The following FZR1 variants were observed in gnomAD, a reference collection of about 807,000 sequenced individuals.
FZR1 encodes fizzy-related protein homolog.
FZR1 carries 11 observed loss-of-function variants against 63.6 expected under a neutral mutation model. The ratio of observed to expected loss-of-function variants is 0.17; its 90% confidence interval spans 0.11 to 0.29. The LOEUF (loss-of-function observed/expected upper bound fraction) is 0.29, where lower values mean the gene tolerates loss of function less well. Among genes scored for constraint, FZR1 ranks in the 10% least tolerant of loss-of-function variants. The probability of loss-of-function intolerance (pLI) is 1.00; values close to 1 mark genes in which losing one functional copy is unlikely to be tolerated. For missense variants in FZR1, 440 were observed against 687.5 expected (o/e 0.64, Z 4.03); for synonymous variants, 328 against 297.9 (o/e 1.10, Z -1.04).
chr19:3,530,684 G>A (rs2083237999), intron 7 of FZR1, 108 bp from the exon 8 acceptor site: 4 of 759,572 alleles, frequency 5.3e-6, no homozygotes, highest in East Asian at 5.4e-5. Flanking sequence ...GATTGGATGG[G>A]AGAGTGGATG....
rs1364383473 is a variant in FZR1 at position 3,515,894 on chromosome 19, A to G, written c.-34-7062A>G. ...CACCCCATGACCAGCCGCTTTTCGA[A>G]CCTTCTGGGAGCAGTGTGCTCTGCA... On this transcript the variant is annotated intron_variant, in intron 1 of 13. Transcript: ENST00000441788. This position sits in a 1 kb window ranked among gnomAD's most constrained non-coding sequence, Gnocchi z 4.6. Among the ~76,000 whole-genome samples the G allele has an allele frequency of 6.6e-6, 1 of 151,836 alleles. No homozygotes were observed. Among genetic ancestry groups the G allele is most frequent in the Non-Finnish European group, 1.5e-5 (1 of 67,966 alleles).
chr19:3,531,870 A>G (rs182732382), intron 9 of FZR1, 41 bp from the exon 10 acceptor site: 13 of 1,562,320 alleles, frequency 8.3e-6, no homozygotes, highest in South Asian at 1.2e-5. Flanking sequence ...CAGCTCCGCG[A>G]GGGCAGGAGA....
At chr19:3,509,883 C>T (rs2083012536) in intron 1 of FZR1, among the ~76,000 whole-genome samples, 1 of 152,098 alleles carries the variant, frequency 6.6e-6, no homozygotes, top group Admixed American at 6.5e-5. Flanking sequence ...CCAGTGTCTG[C>T]CTGTTGTGAG....
At chr19:3,512,060 G>A (rs1057260628) in intron 1 of FZR1, among the ~76,000 whole-genome samples, 5 of 152,158 alleles carry the variant, frequency 3.3e-5, no homozygotes, top group African/African-American at 7.2e-5. Flanking sequence ...TTTCTCTGAC[G>A]TCCTCCCTCC....
At chr19:3,506,628 A>G (rs968442568) in intron 1 of FZR1, among the ~76,000 whole-genome samples, 154 bp downstream of exon 1, 8 of 141,022 alleles carry the variant, frequency 5.7e-5, no homozygotes, top group African/African-American at 2.2e-4. Context: ...GCCGCCTCCC[A>G]GGCCGAACTA....
Position 3,523,003 on chromosome 19 carries a change from A to T in FZR1, c.14A>T (p.Tyr5Phe), listed in dbSNP as rs771143636. The T allele has an allele frequency of 6.2e-7, 1 of 1,611,594 alleles. No individual in the cohort carries two copies. Among genetic ancestry groups the T allele is most frequent in the Admixed American group, 1.7e-5 (1 of 60,028 alleles). ...CCCTGCCTCGCCATGGACCAGGACT[A>T]TGAGCGGCGCCTGCTTCGCCAGATC... The part of the protein sequence containing the change: MDQD[Y>F]ERRLLRQIVI... The change falls in exon 2 of 14, where the codon TAT (tyrosine) becomes TTT (phenylalanine). Residue 5 changes from tyrosine to phenylalanine, a missense_variant. Physicochemically the swap from Tyr to Phe is conservative, Grantham distance 22. This residue lies in a region of FZR1 where 200 missense variants were observed against 245.1 expected (regional missense o/e 0.82). Transcript: ENST00000441788.
chr19:3,527,652 C>A lies in FZR1; in HGVS notation c.492C>A (p.Pro164=). Residue 164 remains proline, a synonymous_variant, in exon 7 of 14, where the codon CCC becomes CCA. Coordinates refer to ENST00000441788, the MANE Select transcript of FZR1 (RefSeq NM_016263.4). ...GCAGCCAGAAGCTGCTCCGGTCCCC[C>A]CGGAAACCCACCCGCAAGATCTCCA... ...SNKSQKLLRS[P]RKPTRKISKI... 1 of 1,610,330 alleles carries A rather than the reference C, an allele frequency of 6.2e-7. No individual in the cohort carries two copies.
rs1208325546 is a variant in FZR1, at chr19:3,525,457, T to TTTC, written c.70-409_70-408insCTT. Among the ~76,000 whole-genome samples the TTTC allele has an allele frequency of 6.9e-5, 10 of 145,606 alleles. No individual in the cohort carries two copies. Among genetic ancestry groups the TTTC allele is most frequent in the Non-Finnish European group, 1.5e-4 (10 of 66,376 alleles). On this transcript the variant is annotated intron_variant, in intron 2 of 13. Coordinates refer to ENST00000441788, the MANE Select transcript of FZR1 (RefSeq NM_016263.4). This position sits in a 1 kb window ranked among gnomAD's most constrained non-coding sequence, Gnocchi z 4.2. ...CTTTTTTTTTTTTTTTTTTTTTTTT[T>TTTC]TTTGAGACGGAGTCTCGCTCTGTCG...
At position 3,515,720 on chromosome 19, in the gene FZR1, C is replaced by T. The variant is rs1056362710; in HGVS notation, c.-34-7236C>T. Among the ~76,000 whole-genome samples the T allele has an allele frequency of 1.3e-4, 20 of 150,388 alleles. No individual in the cohort carries two copies. Among genetic ancestry groups the T allele is most frequent in the Admixed American group, 2.0e-4 (3 of 15,062 alleles). On this transcript the variant is annotated intron_variant, in intron 1 of 13. Coordinates refer to ENST00000441788, the MANE Select transcript of FZR1 (RefSeq NM_016263.4). The surrounding 1 kb of genome is among the most constrained non-coding windows in gnomAD (Gnocchi z 4.6). ...GGCGGAGCTTGCAGTGAGCAGAGATCGCACCACTGCAGTCCAGCCTGGGTG... is the reference window on the plus strand; with the variant it reads ...GGCGGAGCTTGCAGTGAGCAGAGATTGCACCACTGCAGTCCAGCCTGGGTG...
At position 3,515,708 on chromosome 19, in the gene FZR1, G is replaced by A. The variant is rs2121914157; in HGVS notation, c.-34-7248G>A. Among the ~76,000 whole-genome samples, 1 of 151,198 alleles carries A rather than the reference G, an allele frequency of 6.6e-6. No homozygotes were observed. Among genetic ancestry groups the A allele is most frequent in the Admixed American group, 6.6e-5 (1 of 15,182 alleles). ...TGTGAACCAGGAGGCGGAGCTTGCAGTGAGCAGAGATCGCACCACTGCAGT... is the reference window on the plus strand; with the variant it reads ...TGTGAACCAGGAGGCGGAGCTTGCAATGAGCAGAGATCGCACCACTGCAGT... On this transcript the variant is annotated intron_variant, in intron 1 of 13. Transcript: ENST00000441788. This position sits in a 1 kb window ranked among gnomAD's most constrained non-coding sequence, Gnocchi z 4.6.
intron 1 of FZR1, among the ~76,000 whole-genome samples, chr19:3,511,347 G>C (rs1404327268): frequency 6.6e-6 from 1 of 152,236 alleles, no homozygotes; most frequent in Non-Finnish European, 1.5e-5. Context: ...AAGAGGGTGA[G>C]AGCTGCTGGC....
chr19:3,515,884 C>T lies in FZR1; in HGVS notation c.-34-7072C>T, dbSNP rs1599774455. ...TCTCCCCACCCACCCCATGACCAGC[C>T]GCTTTTCGAACCTTCTGGGAGCAGT... is the stretch of plus-strand genomic sequence containing the variant. On this transcript the variant is annotated intron_variant, in intron 1 of 13. Coordinates refer to ENST00000441788, the MANE Select transcript of FZR1 (RefSeq NM_016263.4). This position sits in a 1 kb window ranked among gnomAD's most constrained non-coding sequence, Gnocchi z 4.6. Among the ~76,000 whole-genome samples the T allele has an allele frequency of 1.3e-5, 2 of 152,130 alleles. No individual in the cohort carries two copies. Among genetic ancestry groups the T allele is most frequent in the Non-Finnish European group, 2.9e-5 (2 of 68,026 alleles).
rs570944597 is a variant in FZR1 at position 3,522,885 on chromosome 19, T to G, written c.-34-71T>G. 6.3e-6 allele frequency: 5 copies of G among 795,090 alleles called. No homozygotes were observed. In the African/African-American group the frequency reaches 6.7e-5, roughly 11 times the overall value. The allele number at this position is 795,090 out of a possible 1,614,324, so 49.3% of individuals were successfully genotyped here. On this transcript the variant is annotated intron_variant, in intron 1 of 13. Coordinates refer to ENST00000441788, the MANE Select transcript of FZR1 (RefSeq NM_016263.4). ...CACTCTAGCTCCCAGGGCCTGGAGG[T>G]GCAGGCGAGCCCCGTGGTCTCCGGG...
rs1414096791 is a variant in FZR1, at chr19:3,531,968, T to A, written c.881T>A (p.Leu294Gln). Residue 294 changes from leucine to glutamine, a missense_variant, in exon 10 of 14, where the codon CTG (leucine) becomes CAG (glutamine). Coordinates refer to ENST00000441788, the MANE Select transcript of FZR1 (RefSeq NM_016263.4). ...TCCGGGAGCCGCGACCGCATGATCCTGCAGAGGGACATCCGCACCCCGCCA... is the reference window on the plus strand; with the variant it reads ...TCCGGGAGCCGCGACCGCATGATCCAGCAGAGGGACATCCGCACCCCGCCA... ...LSSGSRDRMI[L>Q]QRDIRTPPLQ... 22 of 1,580,684 alleles carry A rather than the reference T, an allele frequency of 1.4e-5. No homozygotes were observed. Among genetic ancestry groups the A allele is most frequent in the African/African-American group, 2.7e-5 (2 of 74,624 alleles).
At chr19:3,519,422 A>G (rs2083082519) in intron 1 of FZR1, among the ~76,000 whole-genome samples, 1 of 151,970 alleles carries the variant, frequency 6.6e-6, no homozygotes, top group Admixed American at 6.6e-5. Flanking sequence ...TGGCTGATCT[A>G]CCCCAAGGAG....
intron 11 of FZR1, 104 bp downstream of exon 11, chr19:3,532,754 G>A (rs1346931409): frequency 3.7e-6 from 3 of 803,930 alleles, no homozygotes; most frequent in East Asian, 2.7e-5. Context: ...GGTCAGAGTC[G>A]CTCTGAAGGG....
At chr19:3,529,159 AGAGCG>A (rs1568237507) in intron 7 of FZR1, among the ~76,000 whole-genome samples, 29 of 39,798 alleles carry the variant, frequency 7.3e-4, no homozygotes, top group African/African-American at 2.1e-3. Context: ...AGCGGATGGG[AGAGCG>A]GTTGGGAGAG....
In FZR1 at chr19:3,525,878, T is replaced by C. The variant is rs1306607458; in HGVS notation, c.80T>C (p.Met27Thr). ...NENTMPRVTE[M>T]RRTLTPASSP... ...GCTGATGCCCTTCAGGTCACAGAGA[T>C]GCGGCGGACCCTGACGCCTGCCAGC... The change falls in exon 3 of 14, where the codon ATG becomes ACG. Residue 27 changes from methionine to threonine, a missense_variant. Coordinates refer to ENST00000441788, the MANE Select transcript of FZR1 (RefSeq NM_016263.4). The surrounding 1 kb of genome is among the most constrained non-coding windows in gnomAD (Gnocchi z 4.2). The C allele has an allele frequency of 1.9e-6, 3 of 1,611,554 alleles. No individual in the cohort carries two copies.
chr19:3,508,033 G>A (rs2082997785), intron 1 of FZR1, among the ~76,000 whole-genome samples: 1 of 150,852 alleles, frequency 6.6e-6, no homozygotes. Context: ...GGTGGTACCC[G>A]CCAGTTTGCC....
Sources: allele counts gnomAD v4.1 joint callset (sites outside exome capture counted in the v4.1 genomes callset), GRCh38; gene constraint gnomAD v4.1.1; regional missense constraint gnomAD v4.1.1; non-coding constraint Gnocchi (gnomAD v3.1); transcripts MANE v1.5; gene names NCBI Gene and HGNC (gene_info 2026-07-23, HGNC 2026-07-21).